NEFH: variants seen among roughly 807,000 people sequenced by gnomAD.
The protein encoded by NEFH is neurofilament heavy chain.
Under a neutral mutation model 56.6 loss-of-function variants are expected in NEFH, and 58 were observed. The observed-to-expected ratio is 1.03, with a 90% CI of 0.83 to 1.28. The LOEUF is 1.28. Among genes scored for constraint, NEFH ranks in the 50% most tolerant of loss-of-function variants. The probability of loss-of-function intolerance (pLI) is 0.00; values close to 1 mark genes in which losing one functional copy is unlikely to be tolerated. For missense variants in NEFH, 1,221 were observed against 1,307.6 expected (o/e 0.93, Z 1.02); for synonymous variants, 542 against 545.8 (o/e 0.99, Z 0.10).
intron 2 of NEFH, 151 bp from the exon 3 acceptor site, chr22:29,485,572 G>C (rs1439185378): frequency 1.2e-6 from 1 of 863,672 alleles, no homozygotes; most frequent in African/African-American, 1.7e-5. Context: ...GTCCACTAAT[G>C]AGGACCCTAC....
At position 29,489,441 on chromosome 22, in the gene NEFH, C is replaced by T. The variant is rs1282856564; in HGVS notation, c.1801C>T (p.Pro601Ser). 1.9e-6 allele frequency: 3 copies of T among 1,612,996 alleles called. No homozygotes were observed. The highest frequency in any genetic ancestry group is 2.7e-5 in the African/African-American group (2 of 74,590). The change falls in exon 4 of 4, where the codon CCA becomes TCA. Residue 601 changes from proline to serine, a missense_variant. Pro to Ser is a moderately conservative substitution (Grantham distance 74). Coordinates refer to ENST00000310624, the MANE Select transcript of NEFH (RefSeq NM_021076.4). ...EAKSPAEAKS[P>S]EKAKSPVKEE... is the part of the protein sequence containing the mutation. ...AAAGTCACCGGCTGAGGCCAAGTCT[C>T]CAGAGAAGGCCAAGTCCCCAGTGAA...
At position 29,480,303 on chromosome 22, in the gene NEFH, C is replaced by G; in HGVS notation, c.41C>G (p.Pro14Arg). 6.6e-7 allele frequency: 1 copy of G among 1,506,858 alleles called. No homozygotes were observed. The highest frequency in any genetic ancestry group is 8.8e-7 in the Non-Finnish European group (1 of 1,137,718). 93.3% of individuals were successfully genotyped at this position (1,506,858 alleles called of 1,614,324 possible). A position where few individuals can be genotyped will look rare whatever the true frequency, so the allele number is the denominator to read the frequency against. ...FGGADALLGA[P>R]FAPLHGGGSL... The stretch of plus-strand genomic sequence containing the variant: ...GGCGCGGACGCGCTGCTGGGCGCCC[C>G]GTTCGCGCCGCTGCATGGCGGCGGC... The change falls in exon 1 of 4, where the codon CCG becomes CGG. Residue 14 changes from proline to arginine, a missense_variant. Around this residue, in one of 4 missense-constraint regions of NEFH, gnomAD observed 640 missense variants for 555.5 expected, o/e 1.15. Coordinates refer to ENST00000310624, the MANE Select transcript of NEFH (RefSeq NM_021076.4).
chr22:29,490,761 C>T lies in NEFH; in HGVS notation c.*58C>T. The T allele has an allele frequency of 6.2e-7, 1 of 1,608,886 alleles. No individual in the cohort carries two copies. The highest frequency in any genetic ancestry group is 8.5e-7 in the Non-Finnish European group (1 of 1,178,066). ...AGAAACTCAGAAGAGTCCCGGAGCTCAAGGATCAGAGTAACACAATTTTCA... is the reference window on the plus strand; with the variant it reads ...AGAAACTCAGAAGAGTCCCGGAGCTTAAGGATCAGAGTAACACAATTTTCA... On this transcript the variant is annotated 3_prime_UTR_variant, in exon 4 of 4. Transcript: ENST00000310624.
rs1031231201 is a variant in NEFH, at chr22:29,480,218, G to T, written c.-45G>T. On this transcript the variant is annotated 5_prime_UTR_variant, in exon 1 of 4. Coordinates refer to ENST00000310624, the MANE Select transcript of NEFH (RefSeq NM_021076.4). ...AAAGGGCCGGCGCCCTGGTGCTGCC[G>T]CAGTGCCTCCCGCCCCGTCCCGGCC... 6.8e-7 allele frequency: 1 copy of T among 1,473,714 alleles called. No individual in the cohort carries two copies. The highest frequency in any genetic ancestry group is 8.9e-7 in the Non-Finnish European group (1 of 1,122,384). 91.3% of individuals were successfully genotyped at this position (1,473,714 alleles called of 1,614,324 possible).
At chr22:29,482,362 G>T (rs2063016657) in intron 1 of NEFH, among the ~76,000 whole-genome samples, 1 of 152,194 alleles carries the variant, frequency 6.6e-6, no homozygotes, top group Admixed American at 6.5e-5. Flanking sequence ...CACTATCTGG[G>T]GATTCAGGAT....
At chr22:29,483,304 A>G in intron 1 of NEFH, 71 bp from the exon 2 acceptor site, 1 of 1,410,930 alleles carries the variant, frequency 7.1e-7, no homozygotes, top group Non-Finnish European at 9.8e-7. Context: ...AAAAGAACAA[A>G]GAAAAAAATC....
intron 3 of NEFH, among the ~76,000 whole-genome samples, chr22:29,486,364 G>C (rs1480720899): frequency 6.6e-6 from 1 of 151,730 alleles, no homozygotes; most frequent in Non-Finnish European, 1.5e-5. Flanking sequence ...GTGATATTAA[G>C]TACTTTCACA....
chr22:29,490,485 G>A lies in NEFH; in HGVS notation c.2845G>A (p.Glu949Lys). 2 of 1,588,084 alleles carry A rather than the reference G, an allele frequency of 1.3e-6. No homozygotes were observed. The highest frequency in any genetic ancestry group is 8.5e-7 in the Non-Finnish European group (1 of 1,173,026). Residue 949 changes from glutamate (E) to lysine (K), a missense_variant, in exon 4 of 4, where the codon GAG becomes AAG. This residue lies in a region of NEFH where 301 missense variants were observed against 346.6 expected (regional missense o/e 0.87). Coordinates refer to ENST00000310624, the MANE Select transcript of NEFH (RefSeq NM_021076.4). ...KEPSKPAEKKEAAPEKKDTKE... is the reference protein window; with the variant it reads ...KEPSKPAEKKKAAPEKKDTKE... Reference sequence around the variant, plus strand: ...ACCCAGCAAACCAGCAGAGAAGAAGGAGGCAGCACCGGAGAAAAAAGACAC... The same window carrying A: ...ACCCAGCAAACCAGCAGAGAAGAAGAAGGCAGCACCGGAGAAAAAAGACAC...
intron 3 of NEFH, among the ~76,000 whole-genome samples, chr22:29,487,840 C>G (rs1387262228): frequency 6.6e-6 from 1 of 152,166 alleles, no homozygotes; most frequent in Non-Finnish European, 1.5e-5. Context: ...CTGAAACAAC[C>G]CTCTGACGTA....
intron 1 of NEFH, 28 bp downstream of exon 1, chr22:29,481,173 G>GGCGCCCCT (rs1304692289): frequency 8.5e-7 from 1 of 1,173,862 alleles, no homozygotes; most frequent in African/African-American, 1.5e-5. Context: ...TGGGGGGAGG[G>GGCGCCCCT]GCGCCCCTGC....
Position 29,490,340 on chromosome 22 carries a change from G to GA in NEFH, c.2706dup (p.Val903SerfsTer19), listed in dbSNP as rs2063073529. 1 of 1,613,124 alleles carries GA rather than the reference G, an allele frequency of 6.2e-7. No homozygotes were observed. The highest frequency in any genetic ancestry group is 1.3e-5 in the African/African-American group (1 of 74,846). ...CCAAGAAGGAAGAGGCTGAAGATAA[G>GA]AAAAAAGTCCCCACCCCAGAGAAGG... On this transcript the variant is annotated frameshift_variant, in exon 4 of 4. Coordinates refer to ENST00000310624, the MANE Select transcript of NEFH (RefSeq NM_021076.4). LOFTEE classifies it high-confidence loss of function.
chr22:29,490,066 C>A lies in NEFH; in HGVS notation c.2426C>A (p.Ala809Asp). Reference protein sequence around the residue: ...AKSPLKEDAKAPEKEIPKKEE... With the variant: ...AKSPLKEDAKDPEKEIPKKEE... The stretch of plus-strand genomic sequence containing the variant: ...TCTCCCCTGAAGGAGGATGCCAAGG[C>A]CCCTGAGAAGGAGATCCCAAAAAAG... Residue 809 changes from alanine to aspartate, a missense_variant, in exon 4 of 4, where the codon GCC becomes GAC. This residue lies in a region of NEFH where 301 missense variants were observed against 346.6 expected (regional missense o/e 0.87). Coordinates refer to ENST00000310624, the MANE Select transcript of NEFH (RefSeq NM_021076.4). The A allele has an allele frequency of 6.2e-7, 1 of 1,613,892 alleles. No individual in the cohort carries two copies. Among genetic ancestry groups the A allele is most frequent in the Non-Finnish European group, 8.5e-7 (1 of 1,179,856 alleles).
chr22:29,483,130 T>G (rs189056340), intron 1 of NEFH, among the ~76,000 whole-genome samples: 126 of 152,018 alleles, frequency 8.3e-4, no homozygotes, highest in African/African-American at 2.8e-3. Context: ...ATACAAAAAA[T>G]TAGCTGGGCG....
chr22:29,488,730 C>T, intron 3 of NEFH, 119 bp from the exon 4 acceptor site: 1 of 968,702 alleles, frequency 1.0e-6, no homozygotes, highest in East Asian at 2.4e-5. Context: ...CATTCACATT[C>T]CTGTTCCACC....
chr22:29,482,246 G>A (rs1282379392), intron 1 of NEFH, among the ~76,000 whole-genome samples: 1 of 152,094 alleles, frequency 6.6e-6, no homozygotes, highest in Non-Finnish European at 1.5e-5. Flanking sequence ...CCCTCCCTGC[G>A]CAAACCTCTT....
rs1251060176 is a variant in NEFH at position 29,480,976 on chromosome 22, G to A, written c.714G>A (p.Val238=). 8 of 1,531,772 alleles carry A rather than the reference G, an allele frequency of 5.2e-6. No individual in the cohort carries two copies. Among genetic ancestry groups the A allele is most frequent in the Non-Finnish European group, 7.0e-6 (8 of 1,145,602 alleles). 94.9% of individuals were successfully genotyped at this position (1,531,772 alleles called of 1,614,324 possible). A position where few individuals can be genotyped will look rare whatever the true frequency, so the allele number is the denominator to read the frequency against. ...TGCGGCGCCACCACCAGGAAGAGGT[G>A]GGCGAGCTGCTCGGCCAGATCCAGG... ...GYLRRHHQEE[V]GELLGQIQGS... The change falls in exon 1 of 4, where the codon GTG becomes GTA. Residue 238 remains valine, a synonymous_variant. Transcript: ENST00000310624.
rs541596221 is a variant in NEFH, at chr22:29,489,585, C to T, written c.1945C>T (p.Pro649Ser). 9 of 1,613,186 alleles carry T rather than the reference C, an allele frequency of 5.6e-6. No individual in the cohort carries two copies. The highest frequency in any genetic ancestry group is 7.6e-6 in the Non-Finnish European group (9 of 1,179,538). Residue 649 changes from proline to serine, a missense_variant, in exon 4 of 4, where the codon CCT becomes TCT. Physicochemically the swap from Pro to Ser is moderately conservative, Grantham distance 74. Transcript: ENST00000310624. ...TCCAACGAAGGAGGAAGCAAAGTCC[C>T]CTGAGAAGGCCAAGTCCCCAGAGAA... is the stretch of plus-strand genomic sequence containing the variant. ...KSPTKEEAKS[P>S]EKAKSPEKEE... is the part of the protein sequence containing the mutation.
chr22:29,485,888 T>C, intron 3 of NEFH, 41 bp downstream of exon 3: 1 of 1,613,186 alleles, frequency 6.2e-7, no homozygotes, highest in Non-Finnish European at 8.5e-7. Flanking sequence ...AGAAAGCTTG[T>C]GTTCCTGCGA....
intron 2 of NEFH, among the ~76,000 whole-genome samples, chr22:29,484,982 A>T (rs1026971779): frequency 6.6e-6 from 1 of 152,158 alleles, no homozygotes; most frequent in Non-Finnish European, 1.5e-5. Context: ...CTATAGGTGC[A>T]CATCACCATG....
Sources: gnomAD v4.1 joint callset for allele counts (sites outside exome capture counted in the v4.1 genomes callset) on GRCh38, gnomAD v4.1.1 for gene constraint, gnomAD v4.1.1 regional missense constraint, MANE v1.5 for transcripts, NCBI Gene and HGNC (gene_info 2026-07-23, HGNC 2026-07-21) for gene names.